Variants in SCLT1 observed in about 807,000 individuals in gnomAD.
SCLT1 encodes the protein sodium channel-associated protein 1.
Under a neutral mutation model 112.8 loss-of-function variants are expected in SCLT1, and 78 were observed. The observed-to-expected ratio is 0.69, with a 90% CI of 0.58 to 0.83. The LOEUF (loss-of-function observed/expected upper bound fraction) is 0.83. Ranked by LOEUF, SCLT1 falls within the 40% of genes least tolerant of loss-of-function variation. The pLI, the probability that SCLT1 is intolerant of heterozygous loss-of-function variation, is 0.00. For synonymous variants in SCLT1, 257 were observed against 254.7 expected (o/e 1.01, Z -0.09); for missense variants, 747 against 770.4 (o/e 0.97, Z 0.36).
At chr4:129,058,695 T>C (rs570224387) in intron 2 of SCLT1, among the ~76,000 whole-genome samples, 1 of 152,176 alleles carries the variant, frequency 6.6e-6, no homozygotes, top group Non-Finnish European at 1.5e-5. Context: ...AGTTGTTGAA[T>C]AAAAATTTAT....
At chr4:128,873,766 ATC>A (rs773021993) in intron 5 of SCLT1, 3 of 152,486 alleles carry the variant, frequency 2.0e-5, no homozygotes, top group Non-Finnish European at 2.9e-5. Context: ...TCATTTATAC[ATC>A]TGTTTCCATA....
At chr4:128,927,309 T>C (rs1294950367) in intron 18 of SCLT1, among the ~76,000 whole-genome samples, 1 of 152,034 alleles carries the variant, frequency 6.6e-6, no homozygotes, top group Non-Finnish European at 1.5e-5. Context: ...GGCCAATTAC[T>C]CCTATAATCT....
At position 129,029,090 on chromosome 4, in the gene SCLT1, T is replaced by G. The variant is rs545328213; in HGVS notation, c.290+9951A>C. Among the ~76,000 whole-genome samples the G allele has an allele frequency of 5.8e-4, 88 of 152,244 alleles. No individual in the cohort carries two copies. The East Asian group carries it at 0.016, about 28-fold the overall frequency. On this transcript the variant is annotated intron_variant, in intron 5 of 20. Coordinates refer to ENST00000281142, the MANE Select transcript of SCLT1 (RefSeq NM_144643.4). ...TTACACTGTTGGTGGGACTGTAAAG[T>G]AGTTCAACCCTTGTGGAAGTAAGTG...
At chr4:128,914,304 T>G (rs1027126023) in intron 18 of SCLT1, among the ~76,000 whole-genome samples, 23 of 151,508 alleles carry the variant, frequency 1.5e-4, no homozygotes, top group African/African-American at 5.6e-4. Flanking sequence ...AGGTGGAGAT[T>G]GTAGTGAACC....
At chr4:128,989,923 G>A (rs1742416472) in intron 9 of SCLT1, among the ~76,000 whole-genome samples, 1 of 148,520 alleles carries the variant, frequency 6.7e-6, no homozygotes, top group Non-Finnish European at 1.5e-5. Flanking sequence ...AACTTGAATA[G>A]ACCAATAACA....
Position 128,942,595 on chromosome 4 carries a change from G to C in SCLT1, c.1632+401C>G, listed in dbSNP as rs73850059. 5.3e-5 allele frequency among the ~76,000 whole-genome samples: 8 copies of C among 152,154 alleles called. No homozygotes were observed. In the South Asian group the frequency reaches 1.7e-3, roughly 32 times the overall value. On this transcript the variant is annotated intron_variant, in intron 17 of 20. Transcript: ENST00000281142. ...GGAATTTTCAGACTAGTTATGAATG[G>C]TTCTCAGAGCCTACTGCTTTAACAT...
chr4:128,952,645 C>A, intron 14 of SCLT1, 124 bp downstream of exon 14: 1 of 690,856 alleles, frequency 1.4e-6, no homozygotes, highest in Non-Finnish European at 2.6e-6. Context: ...TCACTTTTTT[C>A]TTAGCACCTA....
At chr4:128,992,101 G>T in intron 9 of SCLT1, 66 bp downstream of exon 9, 3 of 1,015,226 alleles carry the variant, frequency 3.0e-6, no homozygotes, top group Non-Finnish European at 4.5e-6. Context: ...GAAAATTATA[G>T]CATCATCAGC....
At chr4:128,997,490 G>C (rs1743110787) in intron 8 of SCLT1, among the ~76,000 whole-genome samples, 1 of 151,820 alleles carries the variant, frequency 6.6e-6, no homozygotes, top group South Asian at 2.1e-4. Flanking sequence ...ATGGTCCTTA[G>C]TTTCCTAAAA....
intron 2 of SCLT1, among the ~76,000 whole-genome samples, chr4:129,051,922 GTTT>G (rs766485005): frequency 2.6e-5 from 4 of 152,130 alleles, no homozygotes; most frequent in Non-Finnish European, 5.9e-5. Context: ...CTTATTGAGA[GTTT>G]TTAGCATGGA....
At chr4:129,082,771 T>A (rs1006498653) in intron 1 of SCLT1, among the ~76,000 whole-genome samples, 2 of 152,140 alleles carry the variant, frequency 1.3e-5, no homozygotes, top group South Asian at 2.1e-4. Flanking sequence ...TTAAAACCAA[T>A]TGAAACTCTT....
chr4:129,079,495 T>C (rs974784932), intron 2 of SCLT1, among the ~76,000 whole-genome samples: 1 of 152,074 alleles, frequency 6.6e-6, no homozygotes, highest in African/African-American at 2.4e-5. Context: ...CAAAATAATC[T>C]CCTTTGACTC....
At position 129,053,304 on chromosome 4, in the gene SCLT1, G is replaced by A. The variant is rs530076689; in HGVS notation, c.103-9253C>T. On this transcript the variant is annotated intron_variant, in intron 2 of 20. Transcript: ENST00000281142. ...ATTCTTGTTAATTTTCTGTCTTATCGATCTGTCTAATATTGACAGTGGGGT... is the reference window on the plus strand; with the variant it reads ...ATTCTTGTTAATTTTCTGTCTTATCAATCTGTCTAATATTGACAGTGGGGT... Among the ~76,000 whole-genome samples the A allele has an allele frequency of 9.2e-5, 14 of 152,118 alleles. No individual in the cohort carries two copies. In the East Asian group the frequency reaches 2.3e-3, roughly 25 times the overall value.
intron 18 of SCLT1, among the ~76,000 whole-genome samples, chr4:128,898,015 T>A (rs1285015276): frequency 6.6e-6 from 1 of 152,156 alleles, no homozygotes; most frequent in Non-Finnish European, 1.5e-5. Context: ...GCACCCAGAT[T>A]CATAAAGCAA....
At chr4:128,981,043 A>T (rs1008808362) in intron 9 of SCLT1, among the ~76,000 whole-genome samples, 10 of 152,198 alleles carry the variant, frequency 6.6e-5, no homozygotes, top group African/African-American at 2.4e-4. Flanking sequence ...AGCACCTGCC[A>T]TATGTCTAGT....
rs1753029433 is a variant in SCLT1 at position 129,093,373 on chromosome 4, C to A, written c.-270G>T. 1.9e-6 allele frequency: 1 copy of A among 538,522 alleles called. No individual in the cohort carries two copies. Among genetic ancestry groups the A allele is most frequent in the Non-Finnish European group, 3.3e-6 (1 of 299,764 alleles). The allele number at this position is 538,522 out of a possible 1,614,324, so 33.4% of individuals were successfully genotyped here. ...ATCCCACGCTGGTGGGAAGAGGACG[C>A]GGTCGATACAGGCGTCCCGCGGGTC... On this transcript the variant is annotated 5_prime_UTR_variant, in exon 1 of 21. Transcript: ENST00000281142.
chr4:128,908,334 A>G (rs1734839726), intron 18 of SCLT1, among the ~76,000 whole-genome samples: 1 of 147,210 alleles, frequency 6.8e-6, no homozygotes, highest in Non-Finnish European at 1.5e-5. Context: ...GTAATTATGT[A>G]TTTTGTAATT....
chr4:128,958,584 G>A (rs766259895), intron 12 of SCLT1, among the ~76,000 whole-genome samples: 1 of 152,096 alleles, frequency 6.6e-6, no homozygotes, highest in Non-Finnish European at 1.5e-5. Flanking sequence ...ATTTTTAATG[G>A]CTTGGTATAA....
At position 129,079,809 on chromosome 4, in the gene SCLT1, C is replaced by T. The variant is rs72926072; in HGVS notation, c.102+2497G>A. ...TAGCAGAGGTTCTCCATGAGGGCTG[C>T]GCCCCTGCAGCAGGCTTCTGTGTGG... is the stretch of plus-strand genomic sequence containing the variant. On this transcript the variant is annotated intron_variant, in intron 2 of 20. Coordinates refer to ENST00000281142, the MANE Select transcript of SCLT1 (RefSeq NM_144643.4). Among the ~76,000 whole-genome samples the T allele has an allele frequency of 4.8e-3, 736 of 152,336 alleles. 4 individuals carry two copies. Among genetic ancestry groups the T allele is most frequent in the African/African-American group, 0.016 (666 of 41,578 alleles).
Sources: gnomAD v4.1 joint callset for allele counts (sites outside exome capture counted in the v4.1 genomes callset) on GRCh38, gnomAD v4.1.1 for gene constraint, MANE v1.5 for transcripts, NCBI Gene and HGNC (gene_info 2026-07-23, HGNC 2026-07-21) for gene names.